The following RGS5 variants were observed in gnomAD, a reference collection of about 807,000 sequenced individuals.
RGS5 encodes regulator of G-protein signalling 5.
RGS5 carries 20 observed loss-of-function variants against 18.9 expected under a neutral mutation model. The ratio of observed to expected loss-of-function variants is 1.06; its 90% CI spans 0.74 to 1.54. The LOEUF is 1.54. RGS5 is among the 40% of genes most tolerant of loss of function. The probability of loss-of-function intolerance (pLI) is 0.00; values close to 1 mark genes in which losing one functional copy is unlikely to be tolerated. For missense variants in RGS5, 201 were observed against 211.8 expected, an observed-to-expected ratio of 0.95 and a Z score of 0.32; for synonymous variants, 57 against 76.2, an observed-to-expected ratio of 0.75 and a Z score of 1.31.
At chr1:163,316,598 C>T (rs1475372124) in intron 1 of RGS5, among the ~76,000 whole-genome samples, 1 of 148,654 alleles carries the variant, frequency 6.7e-6, no homozygotes, top group African/African-American at 2.5e-5. Context: ...AAAAAAAAAG[C>T]TAATATGATA....
chr1:163,147,267 T>G lies in RGS5; in HGVS notation c.*75A>C. 6.9e-7 allele frequency: 1 copy of G among 1,449,376 alleles called. No homozygotes were observed. Among genetic ancestry groups the G allele is most frequent in the South Asian group, 1.4e-5 (1 of 69,338 alleles). 89.8% of individuals were successfully genotyped at this position (1,449,376 alleles called of 1,614,324 possible). A position where few individuals can be genotyped will look rare whatever the true frequency, so the allele number is the denominator to read the frequency against. Reference sequence around the variant, plus strand: ...TGAGCAAAGCTGCTGTGGGAAGATATGTAGATTAATGGGAAATGCAGGGTT... The same window carrying G: ...TGAGCAAAGCTGCTGTGGGAAGATAGGTAGATTAATGGGAAATGCAGGGTT... On this transcript the variant is annotated 3_prime_UTR_variant, in exon 5 of 5. Transcript: ENST00000313961.
intron 2 of RGS5, among the ~76,000 whole-genome samples, chr1:163,260,908 T>C (rs1367314093): frequency 6.6e-6 from 1 of 152,186 alleles, no homozygotes; most frequent in Non-Finnish European, 1.5e-5. Flanking sequence ...AGTATCTGTT[T>C]AAATGACTGT....
At chr1:163,315,527 G>T (rs1353611238) in intron 1 of RGS5, among the ~76,000 whole-genome samples, 1 of 152,192 alleles carries the variant, frequency 6.6e-6, no homozygotes, top group Non-Finnish European at 1.5e-5. Flanking sequence ...GAAAGTTGGG[G>T]AAATGATACT....
chr1:163,213,357 G>A (rs567716155), intron 1 of RGS5, among the ~76,000 whole-genome samples: 6 of 152,332 alleles, frequency 3.9e-5, no homozygotes, highest in Non-Finnish European at 4.4e-5. Context: ...TTAATGTGGT[G>A]TAAACACAAA....
chr1:163,163,044 G>C (rs1042301579), intron 2 of RGS5, among the ~76,000 whole-genome samples: 12 of 150,916 alleles, frequency 8.0e-5, no homozygotes, highest in African/African-American at 1.5e-4. Context: ...TATTTCGGGG[G>C]GGGGGGTGGT....
At chr1:163,295,458 T>C (rs1649398238) in intron 2 of RGS5, among the ~76,000 whole-genome samples, 1 of 152,220 alleles carries the variant, frequency 6.6e-6, no homozygotes, top group African/African-American at 2.4e-5. Flanking sequence ...GTGAAACTTC[T>C]TGGGAAAGTT....
chr1:163,199,442 A>G (rs187943408), intron 1 of RGS5, among the ~76,000 whole-genome samples: 52 of 152,266 alleles, frequency 3.4e-4, no homozygotes, highest in African/African-American at 1.2e-3. Flanking sequence ...TTCTCCTTAC[A>G]TGTCATGGAA....
At chr1:163,236,198 A>G (rs557772597) in intron 2 of RGS5, among the ~76,000 whole-genome samples, 1 of 152,040 alleles carries the variant, frequency 6.6e-6, no homozygotes, top group Non-Finnish European at 1.5e-5. Flanking sequence ...TATACAGCTA[A>G]AAGCAAAAAG....
chr1:163,242,771 A>C (rs1235965829), intron 2 of RGS5, among the ~76,000 whole-genome samples: 2 of 152,168 alleles, frequency 1.3e-5, no homozygotes, highest in Admixed American at 6.5e-5. Context: ...ATGTTGACAG[A>C]GGGCTGAGGA....
chr1:163,190,030 G>T (rs765669624), intron 1 of RGS5, among the ~76,000 whole-genome samples: 19 of 152,098 alleles, frequency 1.2e-4, no homozygotes, highest in Non-Finnish European at 2.2e-4. Context: ...TATATTATGG[G>T]GATCAACATT....
intron 1 of RGS5, among the ~76,000 whole-genome samples, chr1:163,180,853 C>A (rs1658807586): frequency 6.6e-6 from 1 of 151,990 alleles, no homozygotes; most frequent in African/African-American, 2.4e-5. Flanking sequence ...CGTCACTACG[C>A]CCGGCTAATT....
At chr1:163,167,029 G>C (rs552518321) in intron 2 of RGS5, among the ~76,000 whole-genome samples, 26 of 151,246 alleles carry the variant, frequency 1.7e-4, no homozygotes, top group African/African-American at 5.8e-4. Flanking sequence ...ACGCAATTAT[G>C]CCTCACTTCC....
chr1:163,244,412 C>G (rs1467013748), intron 2 of RGS5: 6 of 152,134 alleles, frequency 3.9e-5, no homozygotes, highest in Admixed American at 3.9e-4. Context: ...AAGCATTTAA[C>G]CCAGCAAAGT....
chr1:163,261,831 T>A lies in RGS5; in HGVS notation c.-281+44402A>T, dbSNP rs149165441. ...CATGGTGGAAGGGAAGGATAATATT[T>A]CAAAATGTTATTTTATTATATTCTT... On this transcript the variant is annotated intron_variant, in intron 2 of 5. Transcript: ENST00000618415. 3.3e-5 allele frequency among the ~76,000 whole-genome samples: 5 copies of A among 152,326 alleles called. No homozygotes were observed. In the East Asian group the frequency reaches 9.6e-4, roughly 29 times the overall value.
chr1:163,273,370 A>G (rs1441923766), intron 2 of RGS5, among the ~76,000 whole-genome samples: 1 of 152,092 alleles, frequency 6.6e-6, no homozygotes, highest in Non-Finnish European at 1.5e-5. Context: ...TATACTTTCA[A>G]TTCTTAGTTT....
At chr1:163,177,752 T>G (rs575918900) in intron 1 of RGS5, among the ~76,000 whole-genome samples, 85 of 152,282 alleles carry the variant, frequency 5.6e-4, no homozygotes, top group African/African-American at 1.9e-3. Context: ...AATAATAGCT[T>G]AAATACATAT....
intron 1 of RGS5, among the ~76,000 whole-genome samples, chr1:163,172,088 T>A (rs1317990601): frequency 6.6e-6 from 1 of 152,198 alleles, no homozygotes; most frequent in Non-Finnish European, 1.5e-5. Context: ...AAAAGTAGTT[T>A]GTACTGCAAG....
At chr1:163,176,153 T>A (rs750267436) in intron 1 of RGS5, among the ~76,000 whole-genome samples, 1 of 152,238 alleles carries the variant, frequency 6.6e-6, no homozygotes, top group Non-Finnish European at 1.5e-5. Flanking sequence ...CAGCAGATTG[T>A]CTTAATAACA....
At chr1:163,205,328 G>A (rs1024285378), upstream of RGS5, among the ~76,000 whole-genome samples, 18 of 122,918 alleles carry the variant, frequency 1.5e-4, no homozygotes, top group African/African-American at 5.1e-4. Context: ...TTTGTGTTAC[G>A]TGTTTTTTAA....
Sources: allele counts gnomAD v4.1 joint callset (sites outside exome capture counted in the v4.1 genomes callset), GRCh38; gene constraint gnomAD v4.1.1; transcripts MANE v1.5; gene names NCBI Gene and HGNC (gene_info 2026-07-23, HGNC 2026-07-21).